The following ANO10 variants were observed in gnomAD, a reference collection of about 807,000 sequenced individuals.
The protein encoded by ANO10 is anoctamin-10.
In ANO10, 77 loss-of-function variants were observed where a neutral mutation model predicts 74.7. The observed-to-expected ratio is 1.03, with a 90% CI of 0.86 to 1.25. The LOEUF (loss-of-function observed/expected upper bound fraction) is 1.25, where lower values mean the gene tolerates loss of function less well. ANO10 is among the 50% of genes most tolerant of loss of function. ANO10 has a pLI of 0.00. For synonymous variants in ANO10, 279 were observed against 284.9 expected (o/e 0.98, Z 0.21); for missense variants, 721 against 778.1 (o/e 0.93, Z 0.87).
intron 11 of ANO10, among the ~76,000 whole-genome samples, chr3:43,470,376 C>A (rs535847910): frequency 8.5e-5 from 13 of 152,106 alleles, no homozygotes; most frequent in Non-Finnish European, 1.6e-4. Context: ...CTTTTTGAGA[C>A]GGAGTCTCGT....
In ANO10 at chr3:43,580,456, C is replaced by T. The variant is rs770151711; in HGVS notation, c.489G>A (p.Thr163=). Residue 163 remains threonine, a synonymous_variant, in exon 5 of 13, where the codon ACG becomes ACA. Coordinates refer to ENST00000292246, the MANE Select transcript of ANO10 (RefSeq NM_018075.5). ...PGKSLLRRLL[T]SGIVIQVFPL... is the part of the protein sequence containing the mutation. The stretch of plus-strand genomic sequence containing the variant: ...GAAACACCTGAATCACGATGCCAGA[C>T]GTGAGCAATCTTCTCACTGCACAGG... 29 of 1,613,662 alleles carry T rather than the reference C, an allele frequency of 1.8e-5. No individual in the cohort carries two copies. Among genetic ancestry groups the T allele is most frequent in the Middle Eastern group, 1.6e-4 (1 of 6,084 alleles).
intron 1 of ANO10, chr3:43,690,931 G>C (rs1256171957): frequency 6.6e-7 from 1 of 1,523,324 alleles, no homozygotes; most frequent in Admixed American, 2.0e-5. Flanking sequence ...CCAGCCCGGG[G>C]CGGCCCAGTC....
chr3:43,647,251 T>C (rs2149566521), intron 1 of ANO10, among the ~76,000 whole-genome samples: 1 of 151,698 alleles, frequency 6.6e-6, no homozygotes, highest in African/African-American at 2.4e-5. Context: ...TTGATTCACA[T>C]GATTATGGAG....
chr3:43,454,858 T>C (rs1417940005), intron 11 of ANO10, among the ~76,000 whole-genome samples: 1 of 151,918 alleles, frequency 6.6e-6, no homozygotes. Flanking sequence ...AGGCAGTAAT[T>C]AGAGGGAAAT....
At chr3:43,425,042 G>C (rs1253788229) in intron 12 of ANO10, among the ~76,000 whole-genome samples, 2 of 152,058 alleles carry the variant, frequency 1.3e-5, no homozygotes, top group East Asian at 3.9e-4. Context: ...GGCTTTGTTA[G>C]AGGCTAATTC....
intron 4 of ANO10, among the ~76,000 whole-genome samples, chr3:43,591,266 C>A (rs970432688): frequency 1.3e-5 from 2 of 152,186 alleles, no homozygotes; most frequent in Non-Finnish European, 2.9e-5. Context: ...GTGTCCGCTG[C>A]GCTTCTGGTC....
intron 12 of ANO10, among the ~76,000 whole-genome samples, chr3:43,404,919 G>GAAAA (rs909508894): frequency 8.3e-6 from 1 of 119,914 alleles, no homozygotes; most frequent in Non-Finnish European, 1.8e-5. Flanking sequence ...GAAAGGAAAA[G>GAAAA]AAAAAAAAAG....
At chr3:43,641,277 T>C (rs906916470) in intron 1 of ANO10, among the ~76,000 whole-genome samples, 1 of 152,218 alleles carries the variant, frequency 6.6e-6, no homozygotes, top group Non-Finnish European at 1.5e-5. Flanking sequence ...AAACTCTCAC[T>C]CTTGTTTCTT....
chr3:43,388,653 G>C (rs949616991), intron 12 of ANO10, among the ~76,000 whole-genome samples: 1 of 152,160 alleles, frequency 6.6e-6, no homozygotes, highest in Non-Finnish European at 1.5e-5. Context: ...GGTGAACTTG[G>C]AAGATGTTTT....
rs146523213 is a variant in ANO10, at chr3:43,462,666, G to A, written c.1798-29939C>T. The stretch of plus-strand genomic sequence containing the variant: ...TACAGAAATTTGCATAAGTAATGAG[G>A]AGCTGAATGTTAATCCCCAAGACAA... On this transcript the variant is annotated intron_variant, in intron 11 of 12. Coordinates refer to ENST00000292246, the MANE Select transcript of ANO10 (RefSeq NM_018075.5). Among the ~76,000 whole-genome samples the A allele has an allele frequency of 8.7e-3, 1,331 of 152,326 alleles. 13 individuals are homozygous for A. Among genetic ancestry groups the A allele is most frequent in the Non-Finnish European group, 0.011 (750 of 68,036 alleles).
chr3:43,432,649 T>C lies in ANO10; in HGVS notation c.1876A>G (p.Arg626Gly), dbSNP rs1484505302. 6.2e-7 allele frequency: 1 copy of C among 1,613,998 alleles called. No homozygotes were observed. Residue 626 changes from arginine (R) to glycine (G), a missense_variant, in exon 12 of 13, where the codon AGA (arginine) becomes GGA (glycine). Coordinates refer to ENST00000292246, the MANE Select transcript of ANO10 (RefSeq NM_018075.5). ...GCCTCCAAAGACTCAAATTCCAGTC[T>C]GGCTAGTTTCATCTGGATATGCCGT... ...KPRHIQMKLA[R>G]LEFESLEALK...
chr3:43,525,237 C>T (rs2078141232), intron 11 of ANO10, among the ~76,000 whole-genome samples: 1 of 152,160 alleles, frequency 6.6e-6, no homozygotes, highest in South Asian at 2.1e-4. Context: ...ATCTTCATAG[C>T]TCTGGGACTC....
At chr3:43,538,763 T>TAC (rs150709922) in intron 11 of ANO10, among the ~76,000 whole-genome samples, 4 of 152,278 alleles carry the variant, frequency 2.6e-5, no homozygotes, top group African/African-American at 9.6e-5. Context: ...GCCTGCTGTC[T>TAC]ACACACACAG....
At chr3:43,476,899 A>G (rs960080635) in intron 11 of ANO10, among the ~76,000 whole-genome samples, 3 of 152,246 alleles carry the variant, frequency 2.0e-5, no homozygotes, top group African/African-American at 4.8e-5. Context: ...TTGCCGATCA[A>G]TAAGTAATTT....
intron 12 of ANO10, among the ~76,000 whole-genome samples, chr3:43,369,703 C>T (rs139905275): frequency 6.6e-6 from 1 of 152,148 alleles, no homozygotes; most frequent in Admixed American, 6.5e-5. Context: ...GGGCTCAGCT[C>T]GACTCCCTGG....
intron 1 of ANO10, among the ~76,000 whole-genome samples, chr3:43,647,153 A>ATGTGTGTGTGTGTG (rs57290936): frequency 0.01 from 1,487 of 141,876 alleles, 17 homozygotes; most frequent in Non-Finnish European, 0.016. Context: ...ATGTGTATAT[A>ATGTGTGTGTGTGTG]TGTGTGTGTG....
chr3:43,600,180 T>C (rs1355064874), intron 3 of ANO10, among the ~76,000 whole-genome samples: 1 of 152,246 alleles, frequency 6.6e-6, no homozygotes, highest in East Asian at 1.9e-4. Context: ...GCCTCGCCCA[T>C]TCATTTACTT....
intron 1 of ANO10, among the ~76,000 whole-genome samples, chr3:43,682,690 T>C (rs1472511315): frequency 6.6e-6 from 1 of 152,196 alleles, no homozygotes; most frequent in East Asian, 1.9e-4. Flanking sequence ...AATAAAATAC[T>C]GGCAAACCGA....
chr3:43,372,632 C>A (rs1051856566), intron 12 of ANO10: 112 of 511,384 alleles, frequency 2.2e-4, no homozygotes, highest in South Asian at 6.2e-5. Flanking sequence ...CCGTCACCAT[C>A]CCATCCCTCT....
Sources: gnomAD v4.1 joint callset for allele counts (sites outside exome capture counted in the v4.1 genomes callset) on GRCh38, gnomAD v4.1.1 for gene constraint, MANE v1.5 for transcripts, NCBI Gene and HGNC (gene_info 2026-07-23, HGNC 2026-07-21) for gene names.